TMEM62: variants seen among roughly 807,000 people sequenced by gnomAD.
TMEM62 encodes transmembrane protein 62.
In TMEM62, 41 loss-of-function variants were observed where a neutral mutation model predicts 70.4. That is an observed-to-expected ratio of 0.58 (90% confidence interval 0.45 to 0.76). TMEM62 has a LOEUF of 0.76. Ranked by LOEUF, TMEM62 falls within the 30% of genes least tolerant of loss-of-function variation. The probability of loss-of-function intolerance (pLI) is 0.00; values close to 1 mark genes in which losing one functional copy is unlikely to be tolerated. For synonymous variants in TMEM62, 268 were observed against 291.0 expected (o/e 0.92, Z 0.80); for missense variants, 688 against 788.5 (o/e 0.87, Z 1.53).
At chr15:43,143,405 G>A (rs1053509817) in intron 4 of TMEM62, among the ~76,000 whole-genome samples, 1 of 152,238 alleles carries the variant, frequency 6.6e-6, no homozygotes, top group African/African-American at 2.4e-5. Flanking sequence ...AAAAATTCAT[G>A]TGACTCGCTT....
At chr15:43,148,470 T>C (rs2036941957) in intron 5 of TMEM62, among the ~76,000 whole-genome samples, 1 of 152,224 alleles carries the variant, frequency 6.6e-6, no homozygotes. Flanking sequence ...TATACAAAGC[T>C]GTAAAGATTA....
chr15:43,166,952 G>A lies in TMEM62; in HGVS notation c.1297-2641G>A, dbSNP rs553274268. Among the ~76,000 whole-genome samples the A allele has an allele frequency of 3.1e-3, 473 of 152,256 alleles. 2 individuals carry two copies. Among genetic ancestry groups the A allele is most frequent in the Non-Finnish European group, 5.7e-3 (385 of 68,004 alleles). ...TGTCTACCTCTTTCTACACAGACACGGCAACCATCCGATTTCTCAATCTTT... is the reference window on the plus strand; with the variant it reads ...TGTCTACCTCTTTCTACACAGACACAGCAACCATCCGATTTCTCAATCTTT... On this transcript the variant is annotated intron_variant, in intron 10 of 13. Coordinates refer to ENST00000260403, the MANE Select transcript of TMEM62 (RefSeq NM_024956.4).
At chr15:43,167,872 G>A (rs1438843105) in intron 10 of TMEM62, among the ~76,000 whole-genome samples, 4 of 152,134 alleles carry the variant, frequency 2.6e-5, no homozygotes, top group South Asian at 2.1e-4. Context: ...CTGCAATCCC[G>A]GCACCTCGGG....
At chr15:43,159,688 G>A (rs1227157918) in intron 9 of TMEM62, among the ~76,000 whole-genome samples, 1 of 152,146 alleles carries the variant, frequency 6.6e-6, no homozygotes, top group Non-Finnish European at 1.5e-5. Context: ...TGTGAGCAGT[G>A]CTGCAACAAA....
Position 43,162,162 on chromosome 15 carries a change from G to A in TMEM62, c.1296+1368G>A, listed in dbSNP as rs148822304. Among the ~76,000 whole-genome samples the A allele has an allele frequency of 5.6e-3, 850 of 151,444 alleles. 9 individuals carry two copies. The highest frequency in any genetic ancestry group is 0.02 in the African/African-American group (807 of 41,252). ...ATTTTATTTTATTTTTTTTGAGACAGAGTCTTGCTCTGTCACCCAGGCTGG... is the reference window on the plus strand; with the variant it reads ...ATTTTATTTTATTTTTTTTGAGACAAAGTCTTGCTCTGTCACCCAGGCTGG... On this transcript the variant is annotated intron_variant, in intron 10 of 13. Coordinates refer to ENST00000260403, the MANE Select transcript of TMEM62 (RefSeq NM_024956.4).
chr15:43,183,646 G>T (rs1477058288), intron 13 of TMEM62, among the ~76,000 whole-genome samples: 43 of 144,582 alleles, frequency 3.0e-4, no homozygotes, highest in Admixed American at 1.2e-3. Flanking sequence ...ATATTTTTTG[G>T]TTTTTTTTTT....
intron 3 of TMEM62, chr15:43,135,912 A>T (rs11070390): frequency 0.57 from 149,752 of 264,468 alleles, 46,493 homozygotes; most frequent in Admixed American, 0.65. Context: ...AAGTTCTGGG[A>T]TACATGTGCA....
intron 12 of TMEM62, 87 bp from the exon 13 acceptor site, chr15:43,181,094 T>C (rs1048522572): frequency 6.8e-6 from 6 of 887,926 alleles, no homozygotes; most frequent in Non-Finnish European, 1.1e-5. Flanking sequence ...ATATCTCTGC[T>C]TTATTCCTAT....
Position 43,138,618 on chromosome 15 carries a change from A to T in TMEM62, c.475A>T (p.Arg159Trp). ...PSLDSIKNYYRKYSAVRRDGS... is the reference protein window; with the variant it reads ...PSLDSIKNYYWKYSAVRRDGS... ...TCTGGACAGCATCAAGAATTATTAC[A>T]GGTACTGTAATAAACAGAAGACAGA... Residue 159 changes from arginine (R) to tryptophan (W), a missense_variant and splice_region_variant, in exon 4 of 14, where the codon AGG becomes TGG. Physicochemically the swap from Arg to Trp is moderately radical, Grantham distance 101. Transcript: ENST00000260403. The T allele has an allele frequency of 6.3e-7, 1 of 1,598,462 alleles. No homozygotes were observed.
Position 43,160,892 on chromosome 15 carries a change from C to T in TMEM62, c.1296+98C>T, listed in dbSNP as rs575156199. 26 of 581,508 alleles carry T rather than the reference C, an allele frequency of 4.5e-5. No individual in the cohort carries two copies. The African/African-American group carries it at 4.6e-4, about 10-fold the overall frequency. The allele number at this position is 581,508 out of a possible 1,614,324, so 36.0% of individuals were successfully genotyped here. A position where few individuals can be genotyped will look rare whatever the true frequency, so the allele number is the denominator to read the frequency against. On this transcript the variant is annotated intron_variant, in intron 10 of 13. Transcript: ENST00000260403. ...TCCATGATTTCACTTTCCATGGTTT[C>T]AGTTACCGAAGGTCATCCATGGTCT...
At chr15:43,174,386 C>G (rs989787678) in intron 11 of TMEM62, among the ~76,000 whole-genome samples, 3 of 152,104 alleles carry the variant, frequency 2.0e-5, no homozygotes, top group Admixed American at 2.0e-4. Flanking sequence ...AGTACACATC[C>G]TACTGAATGT....
intron 9 of TMEM62, among the ~76,000 whole-genome samples, chr15:43,156,776 C>T (rs2141775256): frequency 6.6e-6 from 1 of 151,954 alleles, no homozygotes; most frequent in African/African-American, 2.4e-5. Flanking sequence ...CATAATAAAC[C>T]CTGTATATTT....
chr15:43,139,162 A>T (rs1279108092), intron 4 of TMEM62, among the ~76,000 whole-genome samples: 1 of 152,000 alleles, frequency 6.6e-6, no homozygotes, highest in Non-Finnish European at 1.5e-5. Flanking sequence ...AAACTTTTTC[A>T]TTATATCTTT....
At position 43,184,476 on chromosome 15, in the gene TMEM62, C is replaced by T. The variant is rs146146981; in HGVS notation, c.1822C>T (p.Arg608Trp). The T allele has an allele frequency of 1.9e-5, 31 of 1,614,094 alleles. 1 individual carries two copies. The African/African-American group carries it at 3.5e-4, about 18-fold the overall frequency. The change falls in exon 14 of 14, where the codon CGG becomes TGG. Residue 608 changes from arginine to tryptophan, a missense_variant. Coordinates refer to ENST00000260403, the MANE Select transcript of TMEM62 (RefSeq NM_024956.4). ...CCTAGCTTTTTTATTCTCCCCTTTG[C>T]GGACCTGGTTGACACTGCTGACACC... ...GTLAFLFSPL[R>W]TWLTLLTPVL...
chr15:43,167,362 T>C (rs1402542962), intron 10 of TMEM62, among the ~76,000 whole-genome samples: 1 of 144,356 alleles, frequency 6.9e-6, no homozygotes, highest in South Asian at 2.2e-4. Flanking sequence ...TCCTCACTTC[T>C]CAGACGGGGC....
At chr15:43,170,146 T>C (rs2141982572) in intron 11 of TMEM62, among the ~76,000 whole-genome samples, 1 of 152,340 alleles carries the variant, frequency 6.6e-6, no homozygotes, top group East Asian at 1.9e-4. Context: ...ATATCTTGTT[T>C]ATAATTTGGT....
rs769911418 is a variant in TMEM62, at chr15:43,149,186, A to G, written c.866+35A>G. On this transcript the variant is annotated intron_variant, in intron 7 of 13. Coordinates refer to ENST00000260403, the MANE Select transcript of TMEM62 (RefSeq NM_024956.4). ...CCTCCCCATAGAAGAAAACTTATAC[A>G]CATAAGTTTTGCCAAAGCAATGATA... is the stretch of plus-strand genomic sequence containing the variant. The G allele has an allele frequency of 3.8e-6, 6 of 1,599,628 alleles. No individual in the cohort carries two copies. In the South Asian group the frequency reaches 6.7e-5, roughly 18 times the overall value.
intron 9 of TMEM62, among the ~76,000 whole-genome samples, chr15:43,157,845 G>C (rs998004166): frequency 2.6e-5 from 4 of 151,938 alleles, no homozygotes; most frequent in African/African-American, 9.7e-5. Flanking sequence ...ATGTTACATA[G>C]ATAGATAGGC....
chr15:43,139,756 G>A (rs2035737660), intron 4 of TMEM62, among the ~76,000 whole-genome samples: 5 of 152,202 alleles, frequency 3.3e-5, no homozygotes, highest in Admixed American at 3.3e-4. Flanking sequence ...GGCTGAGAGA[G>A]GTAAGGAAGC....
Sources: gnomAD v4.1 joint callset for allele counts (sites outside exome capture counted in the v4.1 genomes callset) on GRCh38, gnomAD v4.1.1 for gene constraint, MANE v1.5 for transcripts, NCBI Gene and HGNC (gene_info 2026-07-23, HGNC 2026-07-21) for gene names.